The following EPHA3 variants were observed in gnomAD, a reference collection of about 807,000 sequenced individuals.
EPHA3 encodes ephrin type-A receptor 3.
A neutral mutation model predicts 107.1 loss-of-function variants in EPHA3; 42 were observed. That is an observed-to-expected ratio of 0.39 (90% CI 0.31 to 0.51). EPHA3 has a LOEUF of 0.51. Ranked by LOEUF, EPHA3 falls within the 20% of genes least tolerant of loss-of-function variation. The probability of loss-of-function intolerance (pLI) is 0.78; values close to 1 mark genes in which losing one functional copy is unlikely to be tolerated. For synonymous variants in EPHA3, 461 were observed against 424.8 expected (o/e 1.09, Z -1.05); for missense variants, 1,183 against 1,211.2 (o/e 0.98, Z 0.35).
At chr3:89,118,690 T>C (rs922026264) in intron 1 of EPHA3, among the ~76,000 whole-genome samples, 1 of 151,916 alleles carries the variant, frequency 6.6e-6, no homozygotes, top group African/African-American at 2.4e-5. Flanking sequence ...ATGACTCATC[T>C]TTCATATTAT....
At chr3:89,349,751 G>T (rs1707762077) in intron 5 of EPHA3, among the ~76,000 whole-genome samples, 1 of 150,566 alleles carries the variant, frequency 6.6e-6, no homozygotes, top group Non-Finnish European at 1.5e-5. Flanking sequence ...GCAGCAGCTG[G>T]TACCAGTTGT....
intron 3 of EPHA3, among the ~76,000 whole-genome samples, chr3:89,284,035 A>G (rs553826463): frequency 1.6e-4 from 25 of 152,286 alleles, no homozygotes; most frequent in Non-Finnish European, 2.9e-4. Flanking sequence ...CTAGGATTTT[A>G]TTAATAAAAT....
At chr3:89,406,806 G>A (rs1261422519) in intron 7 of EPHA3, among the ~76,000 whole-genome samples, 5 of 152,118 alleles carry the variant, frequency 3.3e-5, no homozygotes, top group African/African-American at 1.2e-4. Flanking sequence ...GGTATGTGTT[G>A]AGGTCCATGT....
chr3:89,476,537 CATATA>C (rs1224926752), intron 16 of EPHA3, among the ~76,000 whole-genome samples: 1 of 147,564 alleles, frequency 6.8e-6, no homozygotes, highest in Non-Finnish European at 1.5e-5. Flanking sequence ...TATATTTACT[CATATA>C]ATATAAATAT....
At chr3:89,385,770 T>C (rs1708605195) in intron 5 of EPHA3, among the ~76,000 whole-genome samples, 1 of 151,992 alleles carries the variant, frequency 6.6e-6, no homozygotes, top group Non-Finnish European at 1.5e-5. Context: ...GACAGGAAAA[T>C]ATGGGATAGT....
intron 2 of EPHA3, among the ~76,000 whole-genome samples, chr3:89,149,804 G>GA (rs1704650877): frequency 6.6e-6 from 1 of 151,832 alleles, no homozygotes; most frequent in Non-Finnish European, 1.5e-5. Context: ...TTCTTTAAAA[G>GA]CAAAAAGAAT....
chr3:89,272,359 A>C (rs967699053), intron 3 of EPHA3, among the ~76,000 whole-genome samples: 1 of 151,882 alleles, frequency 6.6e-6, no homozygotes, highest in Non-Finnish European at 1.5e-5. Flanking sequence ...ATATTTTATA[A>C]GTCATATAAT....
chr3:89,277,399 A>G (rs1167571524), intron 3 of EPHA3, among the ~76,000 whole-genome samples: 10 of 152,148 alleles, frequency 6.6e-5, no homozygotes, highest in South Asian at 2.1e-4. Context: ...AATATTCACT[A>G]TATAGCCATA....
intron 3 of EPHA3, among the ~76,000 whole-genome samples, chr3:89,315,036 G>A (rs1320610427): frequency 6.6e-6 from 1 of 151,694 alleles, no homozygotes; most frequent in Non-Finnish European, 1.5e-5. Context: ...TAACACACTG[G>A]TATTGTGTAT....
At chr3:89,251,168 T>C (rs1374051576) in intron 3 of EPHA3, among the ~76,000 whole-genome samples, 1 of 152,162 alleles carries the variant, frequency 6.6e-6, no homozygotes, top group Non-Finnish European at 1.5e-5. Context: ...GATACTTTTA[T>C]CAAACTACTA....
intron 3 of EPHA3, among the ~76,000 whole-genome samples, chr3:89,320,327 T>A (rs1288471672): frequency 6.6e-6 from 1 of 152,004 alleles, no homozygotes; most frequent in Non-Finnish European, 1.5e-5. Context: ...ATAGTGTTCA[T>A]CTCGTGCTAT....
At chr3:89,314,171 T>C (rs570997339) in intron 3 of EPHA3, among the ~76,000 whole-genome samples, 5 of 151,952 alleles carry the variant, frequency 3.3e-5, no homozygotes, top group Admixed American at 1.3e-4. Context: ...TCAAATCATA[T>C]AGTCAAATTT....
At position 89,479,672 on chromosome 3, in the gene EPHA3, C is replaced by G. The variant is rs1427600105; in HGVS notation, c.*170C>G. The stretch of plus-strand genomic sequence containing the variant: ...TGGAATTGAAAAACTCTTTATTTTC[C>G]CCTATCATTTATTGGATGGGTGGGT... On this transcript the variant is annotated 3_prime_UTR_variant, in exon 17 of 17. Coordinates refer to ENST00000336596, the MANE Select transcript of EPHA3 (RefSeq NM_005233.6). The G allele has an allele frequency of 5.6e-6, 3 of 539,394 alleles. No individual in the cohort carries two copies. Among genetic ancestry groups the G allele is most frequent in the Non-Finnish European group, 9.9e-6 (3 of 302,830 alleles). 33.4% of individuals were successfully genotyped at this position (539,394 alleles called of 1,614,324 possible).
chr3:89,450,464 T>G (rs1709964360), intron 15 of EPHA3, 94 bp downstream of exon 15: 2 of 1,242,642 alleles, frequency 1.6e-6, no homozygotes, highest in Admixed American at 4.1e-5. Flanking sequence ...CCAAAATGCA[T>G]TATTTGAAGC....
chr3:89,287,626 G>A (rs1706119792), intron 3 of EPHA3, among the ~76,000 whole-genome samples: 1 of 151,562 alleles, frequency 6.6e-6, no homozygotes, highest in Non-Finnish European at 1.5e-5. Context: ...AAATACCCAG[G>A]GACAAAAGAA....
intron 2 of EPHA3, among the ~76,000 whole-genome samples, chr3:89,130,705 G>A (rs1704188518): frequency 6.6e-6 from 1 of 151,364 alleles, no homozygotes; most frequent in Non-Finnish European, 1.5e-5. Flanking sequence ...CGCGATCTCG[G>A]CTCACTGCAA....
chr3:89,455,883 A>G (rs1410954210), intron 15 of EPHA3, among the ~76,000 whole-genome samples: 2 of 152,116 alleles, frequency 1.3e-5, no homozygotes, highest in Non-Finnish European at 2.9e-5. Context: ...CTTCATCACT[A>G]TTTTAATTCT....
In EPHA3 at chr3:89,301,297, C is replaced by T. The variant is rs566238931; in HGVS notation, c.815-39619C>T. 1.1e-3 allele frequency among the ~76,000 whole-genome samples: 166 copies of T among 152,070 alleles called. No individual in the cohort carries two copies. The South Asian group carries it at 0.014, about 13-fold the overall frequency. ...GCCTTCTCAATCTTTCATTTTAAAG[C>T]TGCCACAATAATTTGGATTTATATA... On this transcript the variant is annotated intron_variant, in intron 3 of 16. Coordinates refer to ENST00000336596, the MANE Select transcript of EPHA3 (RefSeq NM_005233.6).
At chr3:89,202,895 G>A (rs1706006216) in intron 2 of EPHA3, among the ~76,000 whole-genome samples, 2 of 152,154 alleles carry the variant, frequency 1.3e-5, no homozygotes, top group South Asian at 2.1e-4. Flanking sequence ...AGAACACTGT[G>A]AGGATTTACT....
Sources: allele counts gnomAD v4.1 joint callset (sites outside exome capture counted in the v4.1 genomes callset), GRCh38; gene constraint gnomAD v4.1.1; transcripts MANE v1.5; gene names NCBI Gene and HGNC (gene_info 2026-07-23, HGNC 2026-07-21).